The following ROBO2 variants were observed in gnomAD, a reference collection of about 807,000 sequenced individuals.
ROBO2 encodes roundabout guidance receptor 2.
ROBO2 carries 53 observed loss-of-function variants against 160.8 expected under a neutral mutation model. That is an observed-to-expected ratio of 0.33 (90% CI 0.26 to 0.41). ROBO2 has a LOEUF of 0.41. Among genes scored for constraint, ROBO2 ranks in the 10% least tolerant of loss-of-function variants. The probability of loss-of-function intolerance (pLI) is 1.00; values close to 1 mark genes in which losing one functional copy is unlikely to be tolerated. For missense variants in ROBO2, 1,577 were observed against 1,722.4 expected, an observed-to-expected ratio of 0.92 and a Z score of 1.49; for synonymous variants, 664 against 611.7, an observed-to-expected ratio of 1.09 and a Z score of -1.26.
chr3:77,216,281 G>A (rs1293288427), intron 2 of ROBO2, among the ~76,000 whole-genome samples: 6 of 152,212 alleles, frequency 3.9e-5, no homozygotes, highest in South Asian at 4.1e-4. Flanking sequence ...AATGGCGGGC[G>A]CCCCTCCCCC....
chr3:77,152,204 TG>T (rs749279878), intron 2 of ROBO2, among the ~76,000 whole-genome samples: 9 of 152,138 alleles, frequency 5.9e-5, no homozygotes, highest in Non-Finnish European at 1.2e-4. Context: ...GCTGGTATAC[TG>T]AGAAAATGCA....
intron 2 of ROBO2, among the ~76,000 whole-genome samples, chr3:76,815,368 A>C (rs2065570493): frequency 6.6e-6 from 1 of 151,954 alleles, no homozygotes; most frequent in Admixed American, 6.6e-5. Context: ...GCTATTTTAA[A>C]CCTAATTGTG....
intron 23 of ROBO2, among the ~76,000 whole-genome samples, chr3:77,624,296 A>G (rs141015841): frequency 6.6e-6 from 1 of 151,982 alleles, no homozygotes; most frequent in Non-Finnish European, 1.5e-5. Context: ...TTTGCTTTCT[A>G]TGGTATGTGA....
intron 2 of ROBO2, among the ~76,000 whole-genome samples, chr3:76,543,350 A>C (rs2082916662): frequency 6.6e-6 from 1 of 152,130 alleles, no homozygotes; most frequent in South Asian, 2.1e-4. Context: ...TGGTGTCCTT[A>C]TAAGAAAAGG....
rs987470991 is a variant in ROBO2, at chr3:77,644,571, A to G, written c.3935-133A>G. ...TTCTTTAATATCCGGTCCTGATTAAACTTCATAATTTTAATTTTATTAAAG... is the reference window on the plus strand; with the variant it reads ...TTCTTTAATATCCGGTCCTGATTAAGCTTCATAATTTTAATTTTATTAAAG... On this transcript the variant is annotated intron_variant, in intron 24 of 25. Transcript: ENST00000461745. The G allele has an allele frequency of 4.9e-6, 4 of 816,802 alleles. No individual in the cohort carries two copies. In the African/African-American group the frequency reaches 6.9e-5, roughly 14 times the overall value. The allele number at this position is 816,802 out of a possible 1,614,324, so 50.6% of individuals were successfully genotyped here.
At chr3:76,032,429 G>T (rs929261495) in intron 2 of ROBO2, among the ~76,000 whole-genome samples, 2 of 152,054 alleles carry the variant, frequency 1.3e-5, no homozygotes, top group African/African-American at 4.8e-5. Context: ...TGCTTCTCTA[G>T]TTCTTTTAAT....
chr3:77,331,748 G>T (rs942318931), intron 2 of ROBO2, among the ~76,000 whole-genome samples: 1 of 151,506 alleles, frequency 6.6e-6, no homozygotes, highest in Non-Finnish European at 1.5e-5. Context: ...CTGTCACCTA[G>T]GCTGGAGTGC....
intron 2 of ROBO2, among the ~76,000 whole-genome samples, chr3:76,389,839 T>C (rs2077064099): frequency 6.6e-6 from 1 of 152,200 alleles, no homozygotes; most frequent in African/African-American, 2.4e-5. Flanking sequence ...TCTCAGTTTA[T>C]TTCAGTTGAA....
intron 2 of ROBO2, among the ~76,000 whole-genome samples, chr3:76,974,119 T>G (rs2059701317): frequency 6.6e-6 from 1 of 152,146 alleles, no homozygotes; most frequent in Admixed American, 6.5e-5. Context: ...ATATAGCAAA[T>G]AAAATTATCT....
intron 2 of ROBO2, among the ~76,000 whole-genome samples, chr3:76,745,568 C>G (rs2093871670): frequency 6.6e-6 from 1 of 151,998 alleles, no homozygotes; most frequent in Non-Finnish European, 1.5e-5. Flanking sequence ...CCAAGTGATC[C>G]CACCCAGTTC....
chr3:76,376,918 G>T (rs2108519832), intron 2 of ROBO2, among the ~76,000 whole-genome samples: 1 of 152,162 alleles, frequency 6.6e-6, no homozygotes, highest in East Asian at 1.9e-4. Context: ...TGGTCTTCTT[G>T]GTTCCACAGG....
chr3:76,979,363 C>T (rs2059975437), intron 2 of ROBO2, among the ~76,000 whole-genome samples: 2 of 152,064 alleles, frequency 1.3e-5, no homozygotes, highest in African/African-American at 4.8e-5. Flanking sequence ...CCTCAGCTCC[C>T]TTCCACCCTC....
rs761420079 is a variant in ROBO2, at chr3:77,477,411, C to T, written c.389-3C>T. ...TTCTTTTCCTGTAATTATTTTTCCT[C>T]AGTGTTACGAGATGACTTCCGACAA... On this transcript the variant is annotated splice_region_variant and splice_polypyrimidine_tract_variant and intron_variant, in intron 2 of 25. Coordinates refer to ENST00000461745, the Ensembl canonical transcript of ROBO2. 6.2e-6 allele frequency: 10 copies of T among 1,612,916 alleles called. No homozygotes were observed. The South Asian group carries it at 6.6e-5, about 11-fold the overall frequency.
At chr3:77,168,415 G>A (rs1413594832) in intron 2 of ROBO2, among the ~76,000 whole-genome samples, 1 of 152,116 alleles carries the variant, frequency 6.6e-6, no homozygotes, top group African/African-American at 2.4e-5. Context: ...ACTCATATTT[G>A]TCAAGTTATT....
intron 2 of ROBO2, among the ~76,000 whole-genome samples, chr3:77,296,566 G>A (rs983281986): frequency 6.6e-6 from 1 of 152,080 alleles, no homozygotes. Flanking sequence ...CGAGTCCCAT[G>A]TCTAGAGTCT....
At chr3:76,622,247 AAAG>A in intron 2 of ROBO2, among the ~76,000 whole-genome samples, 1 of 41,118 alleles carries the variant, frequency 2.4e-5, no homozygotes, top group South Asian at 1.2e-3. Flanking sequence ...AGAAAGAAAG[AAAG>A]AAAGAAAGAA....
intron 2 of ROBO2, among the ~76,000 whole-genome samples, chr3:76,393,721 G>C (rs754045300): frequency 1.3e-5 from 2 of 152,288 alleles, no homozygotes; most frequent in Non-Finnish European, 2.9e-5. Context: ...TGGGAGTGAA[G>C]TGGAGTGAAG....
At chr3:77,116,365 C>T (rs1380012026) in intron 2 of ROBO2, among the ~76,000 whole-genome samples, 1 of 152,112 alleles carries the variant, frequency 6.6e-6, no homozygotes, top group Non-Finnish European at 1.5e-5. Flanking sequence ...TCATATTCAG[C>T]AATTGTGAAT....
intron 2 of ROBO2, among the ~76,000 whole-genome samples, chr3:76,755,687 T>G (rs1466017054): frequency 2.6e-5 from 4 of 151,876 alleles, no homozygotes; most frequent in Non-Finnish European, 5.9e-5. Flanking sequence ...CATAAAGCAT[T>G]TATAATAATA....
Sources: gnomAD v4.1 joint callset for allele counts (sites outside exome capture counted in the v4.1 genomes callset) on GRCh38, gnomAD v4.1.1 for gene constraint, MANE v1.5 for transcripts, NCBI Gene and HGNC (gene_info 2026-07-23, HGNC 2026-07-21) for gene names.